KDM4C: variants seen among roughly 807,000 people sequenced by gnomAD.
KDM4C encodes lysine demethylase 4C, also known as lysine-specific demethylase 4C.
A neutral mutation model predicts 129.3 loss-of-function variants in KDM4C; 81 were observed. The observed-to-expected ratio is 0.63, with a 90% CI of 0.52 to 0.75. The LOEUF is 0.75. Among genes scored for constraint, KDM4C ranks in the 30% least tolerant of loss-of-function variants. The probability of loss-of-function intolerance (pLI) is 0.00; values close to 1 mark genes in which losing one functional copy is unlikely to be tolerated. For missense variants in KDM4C, 1,457 were observed against 1,304.0 expected, an observed-to-expected ratio of 1.12 and a Z score of -1.81; for synonymous variants, 573 against 456.1, an observed-to-expected ratio of 1.26 and a Z score of -3.26.
chr9:6,864,873 TTC>T (rs1841638596), intron 5 of KDM4C, among the ~76,000 whole-genome samples: 1 of 151,948 alleles, frequency 6.6e-6, no homozygotes, highest in Non-Finnish European at 1.5e-5. Context: ...AGCTTACTGT[TTC>T]TTTCCTCTGC....
chr9:6,880,339 G>C (rs1394736056), intron 6 of KDM4C, among the ~76,000 whole-genome samples: 1 of 152,042 alleles, frequency 6.6e-6, no homozygotes, highest in Non-Finnish European at 1.5e-5. Flanking sequence ...TGTTTTGGTA[G>C]TTTCTAAAAA....
At chr9:6,834,628 C>G (rs1229576160) in intron 4 of KDM4C, 1 of 771,802 alleles carries the variant, frequency 1.3e-6, no homozygotes, top group Non-Finnish European at 2.4e-6. Flanking sequence ...GCGACGAGGC[C>G]TAGAGCAAGA....
chr9:7,000,313 C>G (rs1432582648), intron 12 of KDM4C, among the ~76,000 whole-genome samples: 3 of 152,094 alleles, frequency 2.0e-5, no homozygotes, highest in African/African-American at 7.2e-5. Context: ...AAAATGCTGG[C>G]TTTATAATTT....
intron 4 of KDM4C, among the ~76,000 whole-genome samples, chr9:6,842,314 T>TTC (rs1837091121): frequency 1.3e-5 from 1 of 77,706 alleles, no homozygotes; most frequent in African/African-American, 8.1e-5. Context: ...CCACATTTCT[T>TTC]TTTTTTTTTT....
At chr9:7,138,592 A>T (rs1187921403) in intron 19 of KDM4C, among the ~76,000 whole-genome samples, 1 of 152,142 alleles carries the variant, frequency 6.6e-6, no homozygotes, top group African/African-American at 2.4e-5. Context: ...AAGCAGGAGG[A>T]TTATTTGAGT....
At chr9:6,929,429 C>T (rs957545727) in intron 8 of KDM4C, among the ~76,000 whole-genome samples, 1 of 148,456 alleles carries the variant, frequency 6.7e-6, no homozygotes, top group African/African-American at 2.5e-5. Flanking sequence ...TAATGCTTTA[C>T]TTTTCACAAA....
chr9:6,794,688 G>A (rs764927167), intron 2 of KDM4C, among the ~76,000 whole-genome samples: 1 of 152,042 alleles, frequency 6.6e-6, no homozygotes, highest in Non-Finnish European at 1.5e-5. Context: ...CTTTGGTCTG[G>A]ATATGTTTGA....
chr9:6,761,002 CTTT>C (rs34391703), intron 1 of KDM4C, among the ~76,000 whole-genome samples: 7 of 129,240 alleles, frequency 5.4e-5, no homozygotes, highest in Admixed American at 8.1e-5. Flanking sequence ...TCCTGGATGT[CTTT>C]TTTTTTTTTT....
intron 17 of KDM4C, among the ~76,000 whole-genome samples, chr9:7,064,513 G>C (rs766979665): frequency 3.3e-5 from 5 of 152,166 alleles, no homozygotes; most frequent in Non-Finnish European, 7.3e-5. Flanking sequence ...GGCAGGGTTG[G>C]TCAGGCTTGG....
At chr9:7,093,788 G>A (rs1265259231) in intron 17 of KDM4C, among the ~76,000 whole-genome samples, 1 of 152,202 alleles carries the variant, frequency 6.6e-6, no homozygotes, top group African/African-American at 2.4e-5. Flanking sequence ...TAATGTCTAA[G>A]TAATTATAAG....
At chr9:6,790,264 G>GT (rs890300692) in intron 1 of KDM4C, among the ~76,000 whole-genome samples, 8 of 148,584 alleles carry the variant, frequency 5.4e-5, no homozygotes, top group African/African-American at 7.4e-5. Context: ...TGTTTTTTTT[G>GT]TTTTTTTGTT....
intron 3 of KDM4C, among the ~76,000 whole-genome samples, chr9:6,810,765 G>C (rs1830996767): frequency 6.6e-6 from 1 of 151,986 alleles, no homozygotes; most frequent in Non-Finnish European, 1.5e-5. Flanking sequence ...CAGCTACTCG[G>C]GAGGCTGAGG....
intron 17 of KDM4C, among the ~76,000 whole-genome samples, chr9:7,081,248 A>T (rs1834491893): frequency 6.6e-6 from 1 of 152,168 alleles, no homozygotes; most frequent in Non-Finnish European, 1.5e-5. Flanking sequence ...AGACACGTAG[A>T]TATGGGGTGG....
At chr9:6,794,322 A>G (rs1004879699) in intron 2 of KDM4C, among the ~76,000 whole-genome samples, 2 of 152,220 alleles carry the variant, frequency 1.3e-5, no homozygotes, top group South Asian at 2.1e-4. Context: ...TTTTCAAGAT[A>G]TGGGGACAGA....
intron 1 of KDM4C, among the ~76,000 whole-genome samples, chr9:6,748,303 T>C (rs1817950859): frequency 6.7e-6 from 1 of 149,694 alleles, no homozygotes; most frequent in Non-Finnish European, 1.5e-5. Context: ...AGGTCGGGAG[T>C]TCAAGACCAG....
At chr9:6,897,748 A>C (rs1008653251) in intron 8 of KDM4C, among the ~76,000 whole-genome samples, 1 of 152,198 alleles carries the variant, frequency 6.6e-6, no homozygotes, top group African/African-American at 2.4e-5. Context: ...TCCACTTGCA[A>C]AGTTGTAGTA....
At chr9:6,974,796 G>C (rs574462489) in intron 8 of KDM4C, 1 of 152,280 alleles carries the variant, frequency 6.6e-6, no homozygotes, top group Non-Finnish European at 1.5e-5. Context: ...GTGACATGGA[G>C]TGCATGAATT....
chr9:6,933,471 C>G (rs1053927360), intron 8 of KDM4C, among the ~76,000 whole-genome samples: 4 of 152,306 alleles, frequency 2.6e-5, no homozygotes, highest in South Asian at 4.1e-4. Context: ...GTCAACTTTC[C>G]TTTTGGAAAA....
At chr9:6,747,023 A>G (rs1361906423) in intron 1 of KDM4C, among the ~76,000 whole-genome samples, 2 of 149,658 alleles carry the variant, frequency 1.3e-5, no homozygotes, top group African/African-American at 4.9e-5. Context: ...AAAAAAAAAA[A>G]AAAAAAGAAA....
Sources: gnomAD v4.1 joint callset for allele counts (sites outside exome capture counted in the v4.1 genomes callset) on GRCh38, gnomAD v4.1.1 for gene constraint, MANE v1.5 for transcripts, NCBI Gene and HGNC (gene_info 2026-07-23, HGNC 2026-07-21) for gene names.